TRAPPC6B: variants seen among roughly 807,000 people sequenced by gnomAD.
The protein encoded by TRAPPC6B is trafficking protein particle complex subunit 6B, also known as TRAPP complex subunit 6B.
TRAPPC6B carries 27 observed loss-of-function variants against 24.7 expected under a neutral mutation model. The observed-to-expected ratio is 1.09, with a 90% CI of 0.81 to 1.51. The LOEUF is 1.51. TRAPPC6B is among the 40% of genes most tolerant of loss of function. The probability of loss-of-function intolerance (pLI) is 0.00; values close to 1 mark genes in which losing one functional copy is unlikely to be tolerated. For synonymous variants in TRAPPC6B, 80 were observed against 66.6 expected, an observed-to-expected ratio of 1.20 and a Z score of -0.98; for missense variants, 212 against 190.8, an observed-to-expected ratio of 1.11 and a Z score of -0.66.
chr14:39,157,265 TC>T, intron 3 of TRAPPC6B: 1 of 376,782 alleles, frequency 2.7e-6, no homozygotes, highest in Non-Finnish European at 5.1e-6. Flanking sequence ...CACAAAGCCA[TC>T]CTCTGTAAGC....
At chr14:39,160,021 A>C (rs2139384292) in intron 1 of TRAPPC6B, among the ~76,000 whole-genome samples, 1 of 152,258 alleles carries the variant, frequency 6.6e-6, no homozygotes, top group South Asian at 2.1e-4. Context: ...AAATACAAAA[A>C]TACAAAATGT....
rs1222978078 is a variant in TRAPPC6B, at chr14:39,148,962, A to C, written c.*1388T>G. ...TGTAGGACACTGTAACACAATGGTA[A>C]GTACTTGCATATCTAAACATAAAGA... On this transcript the variant is annotated 3_prime_UTR_variant, in exon 6 of 6. Coordinates refer to ENST00000330149, the MANE Select transcript of TRAPPC6B (RefSeq NM_001079537.2). 1 of 389,240 alleles carries C rather than the reference A, an allele frequency of 2.6e-6. No homozygotes were observed. Among genetic ancestry groups the C allele is most frequent in the African/African-American group, 2.1e-5 (1 of 48,494 alleles). 24.1% of individuals were successfully genotyped at this position (389,240 alleles called of 1,614,324 possible).
At chr14:39,152,160 A>C (rs2139376564) in intron 4 of TRAPPC6B, among the ~76,000 whole-genome samples, 1 of 152,340 alleles carries the variant, frequency 6.6e-6, no homozygotes, top group East Asian at 1.9e-4. Flanking sequence ...TTGTGTCTAC[A>C]GTCCCTGCTG....
intron 1 of TRAPPC6B, among the ~76,000 whole-genome samples, chr14:39,167,284 C>T (rs1390127445): frequency 6.6e-6 from 1 of 152,212 alleles, no homozygotes; most frequent in East Asian, 1.9e-4. Flanking sequence ...GTTTGAAAAA[C>T]CTTGATTTGG....
chr14:39,165,092 C>G (rs2053094767), intron 1 of TRAPPC6B, among the ~76,000 whole-genome samples: 1 of 150,356 alleles, frequency 6.7e-6, no homozygotes, highest in Admixed American at 6.7e-5. Context: ...GTTGCCCAGG[C>G]TGGAGTGTAG....
chr14:39,154,531 C>T (rs944926243), intron 3 of TRAPPC6B, among the ~76,000 whole-genome samples: 4 of 152,022 alleles, frequency 2.6e-5, no homozygotes, highest in Admixed American at 2.6e-4. Context: ...TCAATCCTCC[C>T]ACCGCAGGCT....
intron 1 of TRAPPC6B, among the ~76,000 whole-genome samples, chr14:39,166,873 C>A (rs1343087583): frequency 1.3e-5 from 2 of 152,126 alleles, no homozygotes; most frequent in Non-Finnish European, 2.9e-5. Context: ...CCCAGCCTAC[C>A]AAACTATCCT....
chr14:39,163,657 G>A (rs529665642), intron 1 of TRAPPC6B, among the ~76,000 whole-genome samples: 22 of 150,800 alleles, frequency 1.5e-4, no homozygotes, highest in Non-Finnish European at 3.1e-4. Flanking sequence ...CAAAAAGGCA[G>A]GGATTTTTGT....
At chr14:39,161,309 T>C (rs10483542) in intron 1 of TRAPPC6B, among the ~76,000 whole-genome samples, 34,619 of 152,102 alleles carry the variant, frequency 0.23, 4,107 homozygotes, top group East Asian at 0.39. Flanking sequence ...TACACATTTA[T>C]TTATCAACTC....
chr14:39,155,536 CG>C (rs1566546931), intron 3 of TRAPPC6B, among the ~76,000 whole-genome samples: 1 of 149,890 alleles, frequency 6.7e-6, no homozygotes, highest in Non-Finnish European at 1.5e-5. Context: ...CCACCGCACC[CG>C]GATTTATTTG....
intron 5 of TRAPPC6B, among the ~76,000 whole-genome samples, chr14:39,151,191 A>G (rs1378379647): frequency 6.6e-6 from 1 of 151,970 alleles, no homozygotes; most frequent in African/African-American, 2.4e-5. Flanking sequence ...GGAGATGGAG[A>G]CCATCCTGGC....
chr14:39,150,989 T>C (rs972649281), intron 5 of TRAPPC6B, among the ~76,000 whole-genome samples: 4 of 152,128 alleles, frequency 2.6e-5, no homozygotes, highest in African/African-American at 9.7e-5. Flanking sequence ...CATTTTTTCT[T>C]GGTTGGTAGC....
rs768789946 is a variant in TRAPPC6B, at chr14:39,169,999, G to A, written c.81+16C>T. On this transcript the variant is annotated intron_variant, in intron 1 of 5. Transcript: ENST00000330149. ...GTCACCGCAAAAGGACCTCAAGGTTGTGTGGCAGCACTCACCACCTCCCCC... is the reference window on the plus strand; with the variant it reads ...GTCACCGCAAAAGGACCTCAAGGTTATGTGGCAGCACTCACCACCTCCCCC... 4 of 1,613,464 alleles carry A rather than the reference G, an allele frequency of 2.5e-6. No homozygotes were observed. In the African/African-American group the frequency reaches 5.3e-5, roughly 22 times the overall value.
intron 1 of TRAPPC6B, among the ~76,000 whole-genome samples, chr14:39,169,337 TA>T (rs145759891): frequency 0.13 from 20,208 of 152,046 alleles, 1,390 homozygotes; most frequent in Middle Eastern, 0.17. Flanking sequence ...GACTCCCACA[TA>T]TTAGAAGTAA....
At chr14:39,164,473 T>C (rs1308889483) in intron 1 of TRAPPC6B, among the ~76,000 whole-genome samples, 1 of 149,372 alleles carries the variant, frequency 6.7e-6, no homozygotes, top group Non-Finnish European at 1.5e-5. Context: ...GCCTGGGCAA[T>C]AACAGTGAAA....
At chr14:39,168,217 A>T (rs1336325091) in intron 1 of TRAPPC6B, among the ~76,000 whole-genome samples, 5 of 65,392 alleles carry the variant, frequency 7.6e-5, no homozygotes, top group African/African-American at 3.9e-4. Context: ...ACTCCATCTA[A>T]AAAAAAAAAA....
intron 5 of TRAPPC6B, among the ~76,000 whole-genome samples, chr14:39,151,389 CAAAAAAA>C (rs11288695): frequency 2.5e-5 from 2 of 78,734 alleles, no homozygotes; most frequent in African/African-American, 4.7e-5. Context: ...GACTCCGTCT[CAAAAAAA>C]AAAAAAAAAA....
intron 1 of TRAPPC6B, among the ~76,000 whole-genome samples, chr14:39,166,978 T>C (rs936420508): frequency 6.6e-6 from 1 of 152,186 alleles, no homozygotes; most frequent in African/African-American, 2.4e-5. Flanking sequence ...AACTCCTTAT[T>C]GCAATTCTCC....
intron 1 of TRAPPC6B, among the ~76,000 whole-genome samples, chr14:39,166,273 A>G (rs1197306015): frequency 6.6e-6 from 1 of 152,046 alleles, no homozygotes; most frequent in Non-Finnish European, 1.5e-5. Context: ...AAAAAAACAA[A>G]AAAACAAGTT....
Sources: gnomAD v4.1 joint callset for allele counts (sites outside exome capture counted in the v4.1 genomes callset) on GRCh38, gnomAD v4.1.1 for gene constraint, MANE v1.5 for transcripts, NCBI Gene and HGNC (gene_info 2026-07-23, HGNC 2026-07-21) for gene names.